Variants in DYM observed in about 807,000 individuals in gnomAD.
The protein encoded by DYM is dymeclin.
DYM carries 78 observed loss-of-function variants against 93.1 expected under a neutral mutation model. The ratio of observed to expected loss-of-function variants is 0.84; its 90% confidence interval spans 0.70 to 1.01. The LOEUF (loss-of-function observed/expected upper bound fraction) is 1.01, where lower values mean the gene tolerates loss of function less well. Ranked by LOEUF, DYM falls within the 50% of genes least tolerant of loss-of-function variation. The pLI is 0.00. For synonymous variants in DYM, 321 were observed against 319.7 expected (o/e 1.00, Z -0.04); for missense variants, 789 against 845.0 (o/e 0.93, Z 0.82).
intron 6 of DYM, among the ~76,000 whole-genome samples, chr18:49,341,376 C>G (rs2064112088): frequency 6.6e-6 from 1 of 151,634 alleles, no homozygotes. Context: ...CCTGTAGTCC[C>G]AGCTACTCAG....
chr18:49,119,350 C>A (rs898207206), intron 15 of DYM, among the ~76,000 whole-genome samples: 3 of 152,214 alleles, frequency 2.0e-5, no homozygotes, highest in African/African-American at 7.2e-5. Flanking sequence ...CATTTCTCTA[C>A]ACTGTCATTT....
intron 5 of DYM, among the ~76,000 whole-genome samples, chr18:49,371,596 G>A (rs553613868): frequency 2.6e-4 from 40 of 152,108 alleles, no homozygotes; most frequent in Non-Finnish European, 3.5e-4. Context: ...TTTATAAGAC[G>A]CCAAATGTGA....
intron 14 of DYM, among the ~76,000 whole-genome samples, chr18:49,191,721 T>C (rs186263737): frequency 6.6e-5 from 10 of 152,328 alleles, no homozygotes; most frequent in African/African-American, 2.2e-4. Flanking sequence ...AGTTCAATAA[T>C]TTAGACACAA....
At chr18:49,316,748 T>C (rs1419555319) in intron 8 of DYM, among the ~76,000 whole-genome samples, 1 of 151,592 alleles carries the variant, frequency 6.6e-6, no homozygotes, top group Non-Finnish European at 1.5e-5. Flanking sequence ...CTATCACTGA[T>C]CTTTTTACTA....
intron 16 of DYM, among the ~76,000 whole-genome samples, chr18:49,107,599 T>C (rs1410175622): frequency 1.3e-5 from 2 of 152,354 alleles, no homozygotes; most frequent in East Asian, 3.9e-4. Context: ...GGATGTCCTT[T>C]CTGTTTGTTA....
intron 14 of DYM, among the ~76,000 whole-genome samples, chr18:49,199,950 C>G (rs1050367101): frequency 1.3e-5 from 2 of 150,794 alleles, no homozygotes; most frequent in African/African-American, 4.9e-5. Flanking sequence ...TCATATTACA[C>G]GTACTTAGAA....
At chr18:49,231,081 C>T (rs533791489) in intron 13 of DYM, among the ~76,000 whole-genome samples, 1 of 152,334 alleles carries the variant, frequency 6.6e-6, no homozygotes, top group Non-Finnish European at 1.5e-5. Context: ...GCTTAGACTA[C>T]TACACTGCCT....
intron 15 of DYM, among the ~76,000 whole-genome samples, chr18:49,158,800 T>C (rs182634226): frequency 5.1e-4 from 77 of 152,144 alleles, no homozygotes; most frequent in African/African-American, 1.8e-3. Flanking sequence ...AGTAAAAAAA[T>C]ATAGTTGGAT....
At chr18:49,098,437 T>C (rs1044388828) in intron 16 of DYM, among the ~76,000 whole-genome samples, 1 of 152,242 alleles carries the variant, frequency 6.6e-6, no homozygotes, top group Non-Finnish European at 1.5e-5. Context: ...ACTTTTGTCT[T>C]ATCCATTCTA....
At position 49,086,867 on chromosome 18, in the gene DYM, A is replaced by C. The variant is rs537365100; in HGVS notation, c.2025+10535T>G. On this transcript the variant is annotated intron_variant, in intron 17 of 17. Transcript: ENST00000675505. Reference sequence around the variant, plus strand: ...GCCAGGCATGGTGGTGCGTAGCTGTAATCCCAGCGACTCGGGAGACTGAGG... The same window carrying C: ...GCCAGGCATGGTGGTGCGTAGCTGTCATCCCAGCGACTCGGGAGACTGAGG... Among the ~76,000 whole-genome samples, 9 of 152,250 alleles carry C rather than the reference A, an allele frequency of 5.9e-5. No individual in the cohort carries two copies. The East Asian group carries it at 1.5e-3, about 26-fold the overall frequency.
intron 15 of DYM, among the ~76,000 whole-genome samples, chr18:49,127,247 G>T (rs1354980085): frequency 6.6e-6 from 1 of 152,150 alleles, no homozygotes; most frequent in Non-Finnish European, 1.5e-5. Context: ...ACAAGAAAAT[G>T]ATCCCATTTT....
chr18:49,296,003 C>T (rs1300849584), intron 8 of DYM, among the ~76,000 whole-genome samples: 2 of 152,156 alleles, frequency 1.3e-5, no homozygotes, highest in Non-Finnish European at 2.9e-5. Flanking sequence ...CTAACTGCAA[C>T]TTCCACCTCC....
intron 8 of DYM, among the ~76,000 whole-genome samples, chr18:49,323,362 C>T (rs1415643114): frequency 6.6e-6 from 1 of 152,122 alleles, no homozygotes; most frequent in Non-Finnish European, 1.5e-5. Flanking sequence ...AGTAGCCTTC[C>T]AAATTGAGAA....
chr18:49,367,475 A>G (rs1475712102), intron 5 of DYM, among the ~76,000 whole-genome samples: 8 of 152,230 alleles, frequency 5.3e-5, no homozygotes, highest in African/African-American at 1.9e-4. Flanking sequence ...GTGAGACAGC[A>G]CTGTTGTTTT....
chr18:49,247,011 T>TC, intron 13 of DYM, among the ~76,000 whole-genome samples: 3 of 152,328 alleles, frequency 2.0e-5, no homozygotes, highest in Admixed American at 2.0e-4. Context: ...CTCCGGGCTA[T>TC]CTCTGCGTGG....
intron 8 of DYM, among the ~76,000 whole-genome samples, chr18:49,290,945 A>C (rs2060071284): frequency 1.3e-5 from 2 of 152,176 alleles, no homozygotes; most frequent in Non-Finnish European, 2.9e-5. Context: ...CAACTCCCCC[A>C]AAAATGTGAT....
intron 11 of DYM, among the ~76,000 whole-genome samples, chr18:49,259,112 T>C (rs1030903485): frequency 1.3e-5 from 2 of 152,124 alleles, no homozygotes; most frequent in African/African-American, 4.8e-5. Flanking sequence ...TCTCTACCTA[T>C]GCATGAAAAA....
intron 16 of DYM, among the ~76,000 whole-genome samples, chr18:49,100,993 G>T (rs1013390906): frequency 6.6e-5 from 10 of 152,200 alleles, no homozygotes; most frequent in African/African-American, 2.4e-4. Context: ...TTGTCTGACT[G>T]CAACACCAGC....
At chr18:49,163,934 T>C (rs2087529719) in intron 14 of DYM, 147 bp from the exon 15 acceptor site, 3 of 626,648 alleles carry the variant, frequency 4.8e-6, no homozygotes, top group Non-Finnish European at 8.5e-6. Context: ...AACAGCAAGA[T>C]TAATAATAGT....
Sources: allele counts gnomAD v4.1 joint callset (sites outside exome capture counted in the v4.1 genomes callset), GRCh38; gene constraint gnomAD v4.1.1; transcripts MANE v1.5; gene names NCBI Gene and HGNC (gene_info 2026-07-23, HGNC 2026-07-21).